Variants in SORCS1 observed in about 807,000 individuals in gnomAD.
The protein encoded by SORCS1 is sortilin related VPS10 domain containing receptor 1.
In SORCS1, 60 loss-of-function variants were observed where a neutral mutation model predicts 146.1. That is an observed-to-expected ratio of 0.41 (90% CI 0.33 to 0.51). The LOEUF is 0.51. Ranked by LOEUF, SORCS1 falls within the 20% of genes least tolerant of loss-of-function variation. The pLI is 0.21. For synonymous variants in SORCS1, 637 were observed against 584.0 expected (o/e 1.09, Z -1.31); for missense variants, 1,352 against 1,487.6 (o/e 0.91, Z 1.50).
At chr10:106,684,558 A>G (rs976840456) in intron 10 of SORCS1, among the ~76,000 whole-genome samples, 1 of 152,202 alleles carries the variant, frequency 6.6e-6, no homozygotes, top group Admixed American at 6.5e-5. Flanking sequence ...AGAGGAAAGA[A>G]ATCCCAGCTG....
At chr10:106,790,859 T>G (rs899599219) in intron 3 of SORCS1, among the ~76,000 whole-genome samples, 1 of 152,224 alleles carries the variant, frequency 6.6e-6, no homozygotes, top group African/African-American at 2.4e-5. Context: ...TTAGTCATAT[T>G]ATTTGCTTTA....
At chr10:106,625,788 G>GC (rs895253379) in intron 19 of SORCS1, among the ~76,000 whole-genome samples, 1 of 152,018 alleles carries the variant, frequency 6.6e-6, no homozygotes, top group Non-Finnish European at 1.5e-5. Flanking sequence ...TTTCTGTTCT[G>GC]CAAGTTTGCA....
chr10:106,789,779 A>G (rs1177036638), intron 3 of SORCS1, among the ~76,000 whole-genome samples: 1 of 152,226 alleles, frequency 6.6e-6, no homozygotes, highest in Non-Finnish European at 1.5e-5. Flanking sequence ...TCTCTGCAGT[A>G]CCAATTCACT....
intron 5 of SORCS1, among the ~76,000 whole-genome samples, chr10:106,739,934 G>A (rs1244145937): frequency 1.4e-5 from 2 of 147,820 alleles, no homozygotes; most frequent in African/African-American, 5.0e-5. Flanking sequence ...CTGGGCGACA[G>A]AGTGAGACTC....
At chr10:106,974,179 T>C (rs1955902650) in intron 1 of SORCS1, among the ~76,000 whole-genome samples, 1 of 152,184 alleles carries the variant, frequency 6.6e-6, no homozygotes, top group Non-Finnish European at 1.5e-5. Context: ...GGGGCCTAAG[T>C]GATGGGGATA....
chr10:106,707,445 C>G (rs1854614302), intron 7 of SORCS1, among the ~76,000 whole-genome samples: 1 of 152,100 alleles, frequency 6.6e-6, no homozygotes, highest in East Asian at 1.9e-4. Flanking sequence ...AGGTGATCTG[C>G]CCGCCTCGGC....
chr10:106,903,845 T>C (rs1951813112), intron 2 of SORCS1, among the ~76,000 whole-genome samples: 1 of 152,228 alleles, frequency 6.6e-6, no homozygotes, highest in Non-Finnish European at 1.5e-5. Flanking sequence ...ATGTCCATGC[T>C]TGTATGCATG....
At chr10:107,176,350 T>C in the SORCS1 span, among the ~76,000 whole-genome samples, 1 of 151,766 alleles carries the variant, frequency 6.6e-6, no homozygotes, top group Non-Finnish European at 1.5e-5. Context: ...TCTTTTTTTT[T>C]TGAAACGGGC....
chr10:106,856,184 G>A (rs10884365), intron 2 of SORCS1, among the ~76,000 whole-genome samples: 34,980 of 151,860 alleles, frequency 0.23, 4,865 homozygotes, highest in Non-Finnish European at 0.32. Flanking sequence ...GCCTCACCGC[G>A]TCCAGCTAAT....
chr10:106,976,363 GCT>G (rs1956019296), intron 1 of SORCS1, among the ~76,000 whole-genome samples: 1 of 100,314 alleles, frequency 1.0e-5, no homozygotes, highest in African/African-American at 3.1e-5. Flanking sequence ...ACGGAGTCTC[GCT>G]CTGTCACCCA....
chr10:107,140,593 A>T (rs773210294), intron 1 of SORCS1, among the ~76,000 whole-genome samples: 1 of 152,238 alleles, frequency 6.6e-6, no homozygotes, highest in Non-Finnish European at 1.5e-5. Flanking sequence ...TTCTTACATT[A>T]TGAAGGCCAG....
intron 6 of SORCS1, among the ~76,000 whole-genome samples, chr10:106,724,417 C>T (rs1030272318): frequency 1.3e-5 from 2 of 151,634 alleles, no homozygotes; most frequent in African/African-American, 2.4e-5. Context: ...TGAGGCGAAT[C>T]ACTTGAACCC....
intron 2 of SORCS1, among the ~76,000 whole-genome samples, chr10:106,905,287 G>A (rs1444723051): frequency 6.6e-6 from 1 of 152,082 alleles, no homozygotes; most frequent in African/African-American, 2.4e-5. Flanking sequence ...AGAAAATTAA[G>A]TTGGAGAAGG....
chr10:106,709,410 G>T (rs913566677), intron 6 of SORCS1, 69 bp from the exon 7 acceptor site: 4 of 862,340 alleles, frequency 4.6e-6, no homozygotes, highest in South Asian at 3.1e-5. Flanking sequence ...TTACAGTCAG[G>T]GTGGACGTTT....
chr10:107,077,108 G>A (rs1295193987), intron 1 of SORCS1, among the ~76,000 whole-genome samples: 1 of 151,778 alleles, frequency 6.6e-6, no homozygotes, highest in Non-Finnish European at 1.5e-5. Context: ...CTTTCAGACT[G>A]TTTCTATTGA....
intron 10 of SORCS1, among the ~76,000 whole-genome samples, chr10:106,683,879 C>T (rs182309021): frequency 3.9e-4 from 59 of 152,260 alleles, no homozygotes; most frequent in African/African-American, 1.3e-3. Flanking sequence ...GGAAGGAGGC[C>T]CCTGGAACAA....
At chr10:107,159,843 C>T (rs1039909927) in intron 1 of SORCS1, among the ~76,000 whole-genome samples, 1 of 149,154 alleles carries the variant, frequency 6.7e-6, no homozygotes, top group Admixed American at 6.6e-5. Flanking sequence ...TCCTCCCCAC[C>T]GAAAAAAAAA....
chr10:107,146,709 G>A (rs1451002815), intron 1 of SORCS1, among the ~76,000 whole-genome samples: 1 of 152,062 alleles, frequency 6.6e-6, no homozygotes, highest in African/African-American at 2.4e-5. Flanking sequence ...CCAACTGCAT[G>A]GGGTCTAAAC....
intron 1 of SORCS1, among the ~76,000 whole-genome samples, chr10:107,106,534 AC>A (rs1965317758): frequency 6.6e-6 from 1 of 152,222 alleles, no homozygotes; most frequent in Non-Finnish European, 1.5e-5. Flanking sequence ...TGGCATTATA[AC>A]AAAAAACTAT....
Sources: gnomAD v4.1 joint callset for allele counts (sites outside exome capture counted in the v4.1 genomes callset) on GRCh38, gnomAD v4.1.1 for gene constraint, MANE v1.5 for transcripts, NCBI Gene and HGNC (gene_info 2026-07-23, HGNC 2026-07-21) for gene names.